Variants in ZNF121 observed in about 807,000 individuals in gnomAD.
ZNF121 encodes the protein zinc finger protein 121.
ZNF121 carries 1 observed loss-of-function variant against 2.4 expected under a neutral mutation model. The ratio of observed to expected loss-of-function variants is 0.41; its 90% confidence interval spans 0.15 to 1.94. The LOEUF (loss-of-function observed/expected upper bound fraction) is 1.94. Among genes scored for constraint, ZNF121 ranks in the 30% most tolerant of loss-of-function variants. ZNF121 has a pLI of 0.30. For missense variants in ZNF121, 369 were observed against 466.3 expected (o/e 0.79, Z 1.92); for synonymous variants, 173 against 158.6 (o/e 1.09, Z -0.68).
At chr19:9,576,069 T>A (rs2074208049) in intron 1 of ZNF121, among the ~76,000 whole-genome samples, 1 of 152,162 alleles carries the variant, frequency 6.6e-6, no homozygotes, top group Non-Finnish European at 1.5e-5. Context: ...TTCCTCAGCA[T>A]ATGGAATATT....
intron 1 of ZNF121, among the ~76,000 whole-genome samples, chr19:9,571,460 T>G (rs1260093184): frequency 6.6e-6 from 1 of 152,242 alleles, no homozygotes; most frequent in African/African-American, 2.4e-5. Context: ...TTTTTCAAAA[T>G]GTAATGCCTT....
chr19:9,579,119 C>A (rs1026414568), intron 1 of ZNF121, among the ~76,000 whole-genome samples: 1 of 151,950 alleles, frequency 6.6e-6, no homozygotes, highest in Admixed American at 6.6e-5. Flanking sequence ...AAATACAAAT[C>A]ACACATTACC....
intron 1 of ZNF121, among the ~76,000 whole-genome samples, chr19:9,570,297 G>A (rs1349050210): frequency 6.6e-6 from 1 of 152,034 alleles, no homozygotes; most frequent in Non-Finnish European, 1.5e-5. Context: ...AATTAATGAG[G>A]CTCATATGCC....
At position 9,584,502 on chromosome 19, in the gene ZNF121, AC is replaced by A. The variant is rs2074271530; in HGVS notation, c.-202del. 1 of 152,400 alleles carries A rather than the reference AC, an allele frequency of 6.6e-6. No individual in the cohort carries two copies. Among genetic ancestry groups the A allele is most frequent in the South Asian group, 2.1e-4 (1 of 4,832 alleles). 9.4% of individuals were successfully genotyped at this position (152,400 alleles called of 1,614,324 possible). A position where few individuals can be genotyped will look rare whatever the true frequency, so the allele number is the denominator to read the frequency against. ...TCCACCACGATAAAGGCGAAATGGCACTGACCATGCGGAGCCAGCGCCGGAA... is the reference window on the plus strand; with the variant it reads ...TCCACCACGATAAAGGCGAAATGGCATGACCATGCGGAGCCAGCGCCGGAA... On this transcript the variant is annotated 5_prime_UTR_variant, in exon 1 of 4. The change creates a new upstream start codon in the 5' untranslated region. Transcript: ENST00000320451.
rs1239315779 is a variant in ZNF121, at chr19:9,566,686, G to A, written c.427C>T (p.Pro143Ser). ...VSVKMHTVEKPYECKECGKFF... is the reference protein window; with the variant it reads ...VSVKMHTVEKSYECKECGKFF... ...TTTCCACATTCCTTACATTCGTAGG[G>A]TTTTTCTACAGTATGCATTTTAACA... Residue 143 changes from proline to serine, a missense_variant, in exon 4 of 4, where the codon CCC becomes TCC. Transcript: ENST00000320451. 3 of 1,614,038 alleles carry A rather than the reference G, an allele frequency of 1.9e-6. No individual in the cohort carries two copies. Among genetic ancestry groups the A allele is most frequent in the African/African-American group, 2.7e-5 (2 of 74,928 alleles).
In ZNF121 at chr19:9,568,177, T is replaced by A; in HGVS notation, c.-78-2A>T. 1 of 1,433,420 alleles carries A rather than the reference T, an allele frequency of 7.0e-7. No individual in the cohort carries two copies. The highest frequency in any genetic ancestry group is 9.4e-7 in the Non-Finnish European group (1 of 1,063,256). 88.8% of individuals were successfully genotyped at this position (1,433,420 alleles called of 1,614,324 possible). A position where few individuals can be genotyped will look rare whatever the true frequency, so the allele number is the denominator to read the frequency against. On this transcript the variant is annotated splice_acceptor_variant, in intron 2 of 3. Transcript: ENST00000320451. LOFTEE classifies it low-confidence loss of function (5UTR_SPLICE). ...ACACTTTGGTTTTAACTTGCCATTC[T>A]GAAGTAAAACAGAAAAAAAGAAAAA...
At position 9,574,031 on chromosome 19, in the gene ZNF121, T is replaced by C. The variant is rs74889013; in HGVS notation, c.-159-4949A>G. 3.3e-3 allele frequency among the ~76,000 whole-genome samples: 354 copies of C among 106,366 alleles called. 3 individuals are homozygous for C. Among genetic ancestry groups the C allele is most frequent in the African/African-American group, 0.02 (326 of 16,102 alleles). 69.8% of individuals were successfully genotyped at this position (106,366 alleles called of 152,430 possible). On this transcript the variant is annotated intron_variant, in intron 1 of 3. Coordinates refer to ENST00000320451, the MANE Select transcript of ZNF121 (RefSeq NM_001008727.5). The stretch of plus-strand genomic sequence containing the variant: ...CTGGCTAATTTTTCTTTCTTTCTTT[T>C]TTTTTTTTTTTTGTAGAGACGGGGC...
At chr19:9,573,906 G>A (rs1474080138) in intron 1 of ZNF121, among the ~76,000 whole-genome samples, 1 of 152,010 alleles carries the variant, frequency 6.6e-6, no homozygotes, top group African/African-American at 2.4e-5. Flanking sequence ...GAGTACCGTG[G>A]CACAATCATG....
intron 1 of ZNF121, among the ~76,000 whole-genome samples, chr19:9,582,554 T>C (rs1458630518): frequency 6.6e-6 from 1 of 152,142 alleles, no homozygotes; most frequent in Non-Finnish European, 1.5e-5. Flanking sequence ...ACTCCTTTTC[T>C]GAACTCAGTC....
In ZNF121 at chr19:9,563,591, C is replaced by T. The variant is rs1568496308; in HGVS notation, c.*2349G>A. The T allele has an allele frequency of 6.6e-6, 1 of 152,184 alleles. No homozygotes were observed. Among genetic ancestry groups the T allele is most frequent in the East Asian group, 1.9e-4 (1 of 5,200 alleles). 9.4% of individuals were successfully genotyped at this position (152,184 alleles called of 1,614,324 possible). The stretch of plus-strand genomic sequence containing the variant: ...TGACTTCAAAGATTCAAAGGACGGG[C>T]TGACTCTTTACTTTGTAGAGACAGC... On this transcript the variant is annotated 3_prime_UTR_variant, in exon 4 of 4. Coordinates refer to ENST00000320451, the MANE Select transcript of ZNF121 (RefSeq NM_001008727.5).
Position 9,565,830 on chromosome 19 carries a change from C to T in ZNF121, c.*110G>A. On this transcript the variant is annotated 3_prime_UTR_variant, in exon 4 of 4. Transcript: ENST00000320451. ...GAATGGGGATAACTGAAGGCCTCCT[C>T]ACATTCTTTGTACCAATAAAATTTC... The T allele has an allele frequency of 2.3e-6, 2 of 856,576 alleles. No homozygotes were observed. The highest frequency in any genetic ancestry group is 1.7e-6 in the Non-Finnish European group (1 of 574,312). 53.1% of individuals were successfully genotyped at this position (856,576 alleles called of 1,614,324 possible). A position where few individuals can be genotyped will look rare whatever the true frequency, so the allele number is the denominator to read the frequency against.
chr19:9,581,329 C>T (rs1205910832), intron 1 of ZNF121, among the ~76,000 whole-genome samples: 2 of 152,030 alleles, frequency 1.3e-5, no homozygotes, highest in South Asian at 2.1e-4. Flanking sequence ...CCCTATTGGC[C>T]GGGGTCAGGT....
rs1410719325 is a variant in ZNF121 at position 9,566,615 on chromosome 19, A to G, written c.498T>C (p.His166=). The G allele has an allele frequency of 1.1e-5, 18 of 1,614,202 alleles. No individual in the cohort carries two copies. The highest frequency in any genetic ancestry group is 2.2e-5 in the South Asian group (2 of 91,078). ...TACATTCATAGGGTTTCTCCCCAGTATGGGTTCGCATGTGACTATTAAGAT... is the reference window on the plus strand; with the variant it reads ...TACATTCATAGGGTTTCTCCCCAGTGTGGGTTCGCATGTGACTATTAAGAT... ...SSYLNSHMRT[H]TGEKPYECKE... Residue 166 remains histidine (H), a synonymous_variant, in exon 4 of 4, where the codon CAT becomes CAC. Transcript: ENST00000320451.
rs1488519511 is a variant in ZNF121, at chr19:9,563,848, TATCTATTTAC to T, written c.*2082_*2091del. On this transcript the variant is annotated 3_prime_UTR_variant, in exon 4 of 4. Transcript: ENST00000320451. ...TATGCTACATCTACTCTTCCTGTGG[TATCTATTTAC>T]ATCTATTTACAGCATGGTTTACTGA... 4 of 152,240 alleles carry T rather than the reference TATCTATTTAC, an allele frequency of 2.6e-5. No homozygotes were observed. Among genetic ancestry groups the T allele is most frequent in the Admixed American group, 6.5e-5 (1 of 15,286 alleles). The allele number at this position is 152,240 out of a possible 1,614,324, so 9.4% of individuals were successfully genotyped here.
chr19:9,578,077 G>A lies in ZNF121; in HGVS notation c.-160+6384C>T, dbSNP rs1385714659. Among the ~76,000 whole-genome samples, 14 of 151,804 alleles carry A rather than the reference G, an allele frequency of 9.2e-5. No individual in the cohort carries two copies. In the East Asian group the frequency reaches 2.3e-3, roughly 25 times the overall value. On this transcript the variant is annotated intron_variant, in intron 1 of 3. Coordinates refer to ENST00000320451, the MANE Select transcript of ZNF121 (RefSeq NM_001008727.5). The stretch of plus-strand genomic sequence containing the variant: ...AAAAAATTAGCCTGGCGTGGTGCCT[G>A]TAGTCCCAGTGGTGGGTGCCTGTAG...
rs141597287 is a variant in ZNF121, at chr19:9,576,967, T to C, written c.-160+7494A>G. Among the ~76,000 whole-genome samples, 386 of 152,104 alleles carry C rather than the reference T, an allele frequency of 2.5e-3. 2 individuals carry two copies. The highest frequency in any genetic ancestry group is 9.1e-3 in the African/African-American group (376 of 41,474). On this transcript the variant is annotated intron_variant, in intron 1 of 3. Coordinates refer to ENST00000320451, the MANE Select transcript of ZNF121 (RefSeq NM_001008727.5). ...AAGATTGAAGCCGTAACAAAATGAA[T>C]CCCATCAAAGAAAAGCCCAGAAACT...
At chr19:9,582,150 C>CA (rs1043775843) in intron 1 of ZNF121, among the ~76,000 whole-genome samples, 16 of 151,392 alleles carry the variant, frequency 1.1e-4, no homozygotes, top group East Asian at 7.8e-4. Flanking sequence ...TACTAAAATA[C>CA]AAAAAAAAAT....
At chr19:9,573,330 C>G (rs1204825182) in intron 1 of ZNF121, among the ~76,000 whole-genome samples, 1 of 152,018 alleles carries the variant, frequency 6.6e-6, no homozygotes, top group Non-Finnish European at 1.5e-5. Context: ...TTAACAACAA[C>G]AAAAAAGAGA....
chr19:9,562,242 C>G lies in ZNF121; in HGVS notation c.*3698G>C, dbSNP rs535333168. The stretch of plus-strand genomic sequence containing the variant: ...TGCAGTGGTGTGATCTCAGCTCACT[C>G]TAACCTCCACCTCCTGGATTCAAGT... On this transcript the variant is annotated 3_prime_UTR_variant, in exon 4 of 4. Coordinates refer to ENST00000320451, the MANE Select transcript of ZNF121 (RefSeq NM_001008727.5). 1.2e-3 allele frequency: 176 copies of G among 146,826 alleles called. No homozygotes were observed. The highest frequency in any genetic ancestry group is 1.5e-3 in the Non-Finnish European group (104 of 67,610). The allele number at this position is 146,826 out of a possible 1,614,324, so 9.1% of individuals were successfully genotyped here.
Sources: allele counts gnomAD v4.1 joint callset (sites outside exome capture counted in the v4.1 genomes callset), GRCh38; gene constraint gnomAD v4.1.1; transcripts MANE v1.5; gene names NCBI Gene and HGNC (gene_info 2026-07-23, HGNC 2026-07-21).